Variants in TEAD4 observed in about 807,000 individuals in gnomAD.
TEAD4 encodes the protein TEA domain transcription factor 4.
Under a neutral mutation model 52.4 loss-of-function variants are expected in TEAD4, and 36 were observed. The observed-to-expected ratio is 0.69, with a 90% CI of 0.53 to 0.91. TEAD4 has a LOEUF of 0.91. Ranked by LOEUF, TEAD4 falls within the 40% of genes least tolerant of loss-of-function variation. The probability of loss-of-function intolerance (pLI) is 0.00; values close to 1 mark genes in which losing one functional copy is unlikely to be tolerated. For synonymous variants in TEAD4, 220 were observed against 231.0 expected, an observed-to-expected ratio of 0.95 and a Z score of 0.43; for missense variants, 508 against 583.9, an observed-to-expected ratio of 0.87 and a Z score of 1.34.
At chr12:3,029,827 C>G (rs1240796890) in intron 10 of TEAD4, among the ~76,000 whole-genome samples, 1 of 152,184 alleles carries the variant, frequency 6.6e-6, no homozygotes, top group Non-Finnish European at 1.5e-5. Flanking sequence ...GACTTGTCAC[C>G]TGGTGGGTTT....
chr12:2,969,129 T>G (rs748295580), intron 2 of TEAD4, among the ~76,000 whole-genome samples: 7 of 152,248 alleles, frequency 4.6e-5, no homozygotes, highest in Non-Finnish European at 1.0e-4. Flanking sequence ...GTGGGCCCTC[T>G]GTATCTGTAG....
At chr12:2,961,441 C>T (rs1164007882) in intron 2 of TEAD4, among the ~76,000 whole-genome samples, 1 of 152,026 alleles carries the variant, frequency 6.6e-6, no homozygotes, top group Non-Finnish European at 1.5e-5. Context: ...CTCCATCCAT[C>T]CTGAGGATGT....
chr12:2,996,795 A>G (rs1007377988), intron 3 of TEAD4, among the ~76,000 whole-genome samples: 1 of 152,070 alleles, frequency 6.6e-6, no homozygotes. Context: ...GGCTCACTGC[A>G]GCCTCCGCCC....
chr12:3,011,098 G>C, intron 4 of TEAD4, 30 bp downstream of exon 4: 1 of 1,612,172 alleles, frequency 6.2e-7, no homozygotes, highest in Non-Finnish European at 8.5e-7. Flanking sequence ...TAGGGGTCCC[G>C]GGGGTGGTAC....
At chr12:2,979,490 G>A (rs999797415) in intron 2 of TEAD4, among the ~76,000 whole-genome samples, 4 of 152,200 alleles carry the variant, frequency 2.6e-5, no homozygotes, top group Non-Finnish European at 5.9e-5. Context: ...GACGAAGTGC[G>A]GCGTTGCCGA....
rs1470314606 is a variant in TEAD4 at position 2,985,751 on chromosome 12, A to G, written c.-29-8987A>G. On this transcript the variant is annotated intron_variant, in intron 2 of 12. Transcript: ENST00000359864. ...GAGCTCCTGACCTCGTGATCCACCTACCTCACCTGTTTTTTTACTTTTTAA... is the reference window on the plus strand; with the variant it reads ...GAGCTCCTGACCTCGTGATCCACCTGCCTCACCTGTTTTTTTACTTTTTAA... 1.3e-5 allele frequency among the ~76,000 whole-genome samples: 2 copies of G among 151,912 alleles called. 1 individual carries two copies. The highest frequency in any genetic ancestry group is 4.1e-4 in the South Asian group (2 of 4,826).
intron 2 of TEAD4, among the ~76,000 whole-genome samples, chr12:2,962,480 C>T (rs550597750): frequency 4.3e-4 from 65 of 151,556 alleles, no homozygotes; most frequent in Middle Eastern, 3.4e-3. Context: ...GAATTATAGG[C>T]GTGCGCCACC....
At chr12:3,007,895 C>T (rs569109045) in intron 3 of TEAD4, among the ~76,000 whole-genome samples, 6 of 152,322 alleles carry the variant, frequency 3.9e-5, no homozygotes, top group African/African-American at 1.4e-4. Context: ...AGGTTATTTG[C>T]ATGTATTTAA....
chr12:2,974,585 G>T (rs2098227912), intron 2 of TEAD4, among the ~76,000 whole-genome samples: 1 of 152,168 alleles, frequency 6.6e-6, no homozygotes, highest in Non-Finnish European at 1.5e-5. Flanking sequence ...GGCAGAGCTG[G>T]AGTCCTACTT....
intron 10 of TEAD4, among the ~76,000 whole-genome samples, chr12:3,025,568 G>T (rs909294063): frequency 1.3e-5 from 2 of 150,898 alleles, no homozygotes. Context: ...ATGGAGTTTC[G>T]CTCTGTTGCC....
chr12:3,033,852 A>C (rs570154636), intron 10 of TEAD4, among the ~76,000 whole-genome samples: 1 of 146,708 alleles, frequency 6.8e-6, no homozygotes, highest in African/African-American at 2.7e-5. Context: ...GTGGGGGGAT[A>C]TGAGGGTGGA....
At chr12:2,982,145 T>C (rs2153953892) in intron 2 of TEAD4, among the ~76,000 whole-genome samples, 1 of 152,248 alleles carries the variant, frequency 6.6e-6, no homozygotes, top group East Asian at 1.9e-4. Flanking sequence ...GACTCTCCAT[T>C]TGGAACTTAG....
At position 3,038,084 on chromosome 12, in the gene TEAD4, C is replaced by T. The variant is rs1049314502; in HGVS notation, c.1014C>T (p.Gly338=). ...GCTCCACGAAGGTCTGCTCTTTCGG[C>T]AAGCAGGTGGTGGAGAAAGTTGAGG... Residue 338 remains glycine (G), a synonymous_variant, in exon 11 of 13, where the codon GGC becomes GGT. Transcript: ENST00000359864. 4 of 1,613,146 alleles carry T rather than the reference C, an allele frequency of 2.5e-6. No homozygotes were observed. The highest frequency in any genetic ancestry group is 3.4e-6 in the Non-Finnish European group (4 of 1,179,384).
chr12:3,023,252 G>T (rs1053645008), intron 10 of TEAD4, among the ~76,000 whole-genome samples: 1 of 152,178 alleles, frequency 6.6e-6, no homozygotes, highest in Non-Finnish European at 1.5e-5. Flanking sequence ...GAGTGCATGA[G>T]TAGTAAAGGC....
intron 2 of TEAD4, among the ~76,000 whole-genome samples, chr12:2,964,816 G>A (rs2098218920): frequency 6.6e-6 from 1 of 152,024 alleles, no homozygotes; most frequent in South Asian, 2.1e-4. Context: ...GACAGTGGGT[G>A]GAACGTTCTG....
intron 10 of TEAD4, among the ~76,000 whole-genome samples, chr12:3,033,439 C>T (rs948709875): frequency 3.3e-5 from 5 of 152,224 alleles, no homozygotes; most frequent in African/African-American, 7.2e-5. Context: ...TCTCTGGGGC[C>T]GGTGAGAGGG....
chr12:2,985,663 G>A (rs2098237767), intron 2 of TEAD4, among the ~76,000 whole-genome samples: 1 of 151,392 alleles, frequency 6.6e-6, no homozygotes. Context: ...GCACCATCAT[G>A]CCTGGCTAAT....
chr12:3,026,034 G>A (rs184351216), intron 10 of TEAD4, among the ~76,000 whole-genome samples: 107 of 151,756 alleles, frequency 7.1e-4, no homozygotes, highest in African/African-American at 2.0e-3. Context: ...TTACTTCCCC[G>A]TCTTGAGCCA....
chr12:2,963,671 C>T (rs537913857), intron 2 of TEAD4, among the ~76,000 whole-genome samples: 11 of 152,294 alleles, frequency 7.2e-5, no homozygotes, highest in East Asian at 5.8e-4. Context: ...TGGTTTTTCC[C>T]GCTACTATCT....
Sources: allele counts gnomAD v4.1 joint callset (sites outside exome capture counted in the v4.1 genomes callset), GRCh38; gene constraint gnomAD v4.1.1; transcripts MANE v1.5; gene names NCBI Gene and HGNC (gene_info 2026-07-23, HGNC 2026-07-21).